The following CABP1 variants were observed in gnomAD, a reference collection of about 807,000 sequenced individuals.
The protein encoded by CABP1 is calcium binding protein 1.
In CABP1, 17 loss-of-function variants were observed where a neutral mutation model predicts 34.3. The ratio of observed to expected loss-of-function variants is 0.50; its 90% CI spans 0.34 to 0.74. CABP1 has a LOEUF of 0.74. Among genes scored for constraint, CABP1 ranks in the 30% least tolerant of loss-of-function variants. CABP1 has a pLI of 0.01. For synonymous variants in CABP1, 198 were observed against 229.2 expected (o/e 0.86, Z 1.23); for missense variants, 373 against 511.1 (o/e 0.73, Z 2.61).
At chr12:120,665,083 G>A (rs1323695490) in intron 5 of CABP1, among the ~76,000 whole-genome samples, 1 of 151,654 alleles carries the variant, frequency 6.6e-6, no homozygotes, top group Non-Finnish European at 1.5e-5. Context: ...TGGGGGGAGG[G>A]AGGGATGAAT....
chr12:120,674,076 C>A, the CABP1 span, among the ~76,000 whole-genome samples: 9 of 152,232 alleles, frequency 5.9e-5, no homozygotes, highest in South Asian at 2.1e-4. Context: ...CCCAGCTACT[C>A]AGGAGGCTGA....
downstream of CABP1, chr12:120,667,330 C>T: frequency 4.5e-6 from 1 of 220,178 alleles, no homozygotes; most frequent in Non-Finnish European, 9.0e-6. Flanking sequence ...AGCAAGACAG[C>T]CGTGATGGTC....
intron 1 of CABP1, chr12:120,659,103 G>A (rs1880449004): frequency 6.6e-6 from 1 of 152,272 alleles, no homozygotes; most frequent in South Asian, 2.1e-4. Flanking sequence ...GCTTGAGGCT[G>A]GAGACATGTG....
At chr12:120,650,678 G>A in intron 1 of CABP1, 1 of 1,614,122 alleles carries the variant, frequency 6.2e-7, no homozygotes, top group South Asian at 1.1e-5. Context: ...AATCTCTCAA[G>A]GAAGGTATGT....
the CABP1 span, among the ~76,000 whole-genome samples, chr12:120,673,824 A>C: frequency 6.6e-6 from 1 of 152,174 alleles, no homozygotes; most frequent in Non-Finnish European, 1.5e-5. Flanking sequence ...GGTTGTTCTG[A>C]AGATGAAACA....
the CABP1 span, among the ~76,000 whole-genome samples, chr12:120,676,477 G>A: frequency 6.6e-6 from 1 of 152,090 alleles, no homozygotes; most frequent in Non-Finnish European, 1.5e-5. Flanking sequence ...GCCCAGGCTG[G>A]AGCATGATGA....
downstream of CABP1, among the ~76,000 whole-genome samples, chr12:120,668,435 C>T (rs1297834760): frequency 6.6e-6 from 1 of 152,184 alleles, no homozygotes. Context: ...GAGATCATGC[C>T]ACTGGGTGAC....
chr12:120,644,691 C>T (rs1795585680), intron 1 of CABP1, among the ~76,000 whole-genome samples: 1 of 152,124 alleles, frequency 6.6e-6, no homozygotes, highest in Admixed American at 6.6e-5. Context: ...ATAGGCTATC[C>T]CTGTTCCCAT....
intron 1 of CABP1, chr12:120,650,694 G>C (rs745576997): frequency 1.2e-6 from 2 of 1,613,656 alleles, no homozygotes; most frequent in Non-Finnish European, 1.7e-6. Flanking sequence ...TATGTTTTTG[G>C]AGTTTCCAAG....
the CABP1 span, among the ~76,000 whole-genome samples, chr12:120,677,999 G>A: frequency 6.6e-6 from 1 of 152,134 alleles, no homozygotes; most frequent in Non-Finnish European, 1.5e-5. Flanking sequence ...TGCACCCTGG[G>A]GGCCAGGACC....
At chr12:120,671,462 T>TCAAAAG (rs1881250248), downstream of CABP1, among the ~76,000 whole-genome samples, 1 of 152,126 alleles carries the variant, frequency 6.6e-6, no homozygotes, top group Non-Finnish European at 1.5e-5. Context: ...GTGGCCCTTT[T>TCAAAAG]GGGAAACTAA....
At chr12:120,650,484 C>G in intron 1 of CABP1, 2 of 1,505,506 alleles carry the variant, frequency 1.3e-6, no homozygotes, top group Non-Finnish European at 1.8e-6. Flanking sequence ...TAAGAGAGCA[C>G]GCGCGCAAGA....
At chr12:120,677,523 A>T in the CABP1 span, among the ~76,000 whole-genome samples, 1 of 151,136 alleles carries the variant, frequency 6.6e-6, no homozygotes, top group African/African-American at 2.4e-5. Flanking sequence ...CAGCCTCCCA[A>T]GTAGTTGGGA....
In CABP1 at chr12:120,660,948, T is replaced by C; in HGVS notation, c.939+108T>C. The C allele has an allele frequency of 7.1e-7, 1 of 1,403,472 alleles. No individual in the cohort carries two copies. Among genetic ancestry groups the C allele is most frequent in the East Asian group, 2.3e-5 (1 of 43,704 alleles). The allele number at this position is 1,403,472 out of a possible 1,614,324, so 86.9% of individuals were successfully genotyped here. A position where few individuals can be genotyped will look rare whatever the true frequency, so the allele number is the denominator to read the frequency against. On this transcript the variant is annotated intron_variant, in intron 4 of 5. Transcript: ENST00000316803. The surrounding 1 kb of genome is among the most constrained non-coding windows in gnomAD (Gnocchi z 5.0). ...CAAGTCCCAGATCAGGGGAGGGAGCTTGGACAGAGAAAGGTCTCTGGTAAA... is the reference window on the plus strand; with the variant it reads ...CAAGTCCCAGATCAGGGGAGGGAGCCTGGACAGAGAAAGGTCTCTGGTAAA...
intron 1 of CABP1, among the ~76,000 whole-genome samples, chr12:120,643,763 A>G (rs991790041): frequency 6.6e-6 from 1 of 152,210 alleles, no homozygotes; most frequent in African/African-American, 2.4e-5. Flanking sequence ...TGTAGGGATC[A>G]TCAGGGTGCT....
chr12:120,656,242 G>C (rs748417615), intron 1 of CABP1: 2 of 1,577,950 alleles, frequency 1.3e-6, no homozygotes. Context: ...GCATTTTCCT[G>C]CGCAAGGGCT....
At chr12:120,654,044 C>T (rs1435245565) in intron 1 of CABP1, among the ~76,000 whole-genome samples, 1 of 152,202 alleles carries the variant, frequency 6.6e-6, no homozygotes, top group Non-Finnish European at 1.5e-5. Context: ...TGTTCTGCCT[C>T]GCTCTAGTCT....
chr12:120,659,363 C>A, intron 1 of CABP1: 1 of 153,638 alleles, frequency 6.5e-6, no homozygotes, highest in Non-Finnish European at 1.5e-5. Context: ...TGTCTTGCAG[C>A]CTCTGTCGCC....
chr12:120,661,537 A>G lies in CABP1; in HGVS notation c.1087+319A>G. ...CATCCATTTATCTACCCATCTATCC[A>G]TCCATCCATCCTCTACCTATCCATC... is the stretch of plus-strand genomic sequence containing the variant. On this transcript the variant is annotated intron_variant, in intron 5 of 5. Coordinates refer to ENST00000316803, the MANE Select transcript of CABP1 (RefSeq NM_001033677.2). The surrounding 1 kb of genome is among the most constrained non-coding windows in gnomAD (Gnocchi z 5.1). The G allele has an allele frequency of 3.5e-6, 1 of 284,996 alleles. No individual in the cohort carries two copies. 17.7% of individuals were successfully genotyped at this position (284,996 alleles called of 1,614,324 possible). A position where few individuals can be genotyped will look rare whatever the true frequency, so the allele number is the denominator to read the frequency against.
Sources: allele counts gnomAD v4.1 joint callset (sites outside exome capture counted in the v4.1 genomes callset), GRCh38; gene constraint gnomAD v4.1.1; non-coding constraint Gnocchi (gnomAD v3.1); transcripts MANE v1.5; gene names NCBI Gene and HGNC (gene_info 2026-07-23, HGNC 2026-07-21).